CLEC16A: variants seen among roughly 807,000 people sequenced by gnomAD.
The protein encoded by CLEC16A is C-type lectin domain containing 16A.
In CLEC16A, 51 loss-of-function variants were observed where a neutral mutation model predicts 109.5. That is an observed-to-expected ratio of 0.47 (90% CI 0.37 to 0.59). The LOEUF (loss-of-function observed/expected upper bound fraction) is 0.59. CLEC16A is among the 20% of genes least tolerant of loss of function. CLEC16A has a pLI of 0.00. For synonymous variants in CLEC16A, 673 were observed against 564.2 expected (o/e 1.19, Z -2.73); for missense variants, 1,339 against 1,394.0 (o/e 0.96, Z 0.63).
intron 23 of CLEC16A, among the ~76,000 whole-genome samples, chr16:11,176,361 G>A (rs1289523407): frequency 6.6e-6 from 1 of 152,174 alleles, no homozygotes; most frequent in Non-Finnish European, 1.5e-5. Context: ...CACCCTCCCA[G>A]AGCGAGGACC....
At chr16:11,116,358 G>T (rs1486619240) in intron 19 of CLEC16A, among the ~76,000 whole-genome samples, 2 of 151,942 alleles carry the variant, frequency 1.3e-5, no homozygotes, top group Non-Finnish European at 2.9e-5. Flanking sequence ...TTGTGCCACT[G>T]TACTCCAGCC....
rs190592270 is a variant in CLEC16A at position 11,169,818 on chromosome 16, G to T, written c.2806+3266G>T. On this transcript the variant is annotated intron_variant, in intron 23 of 23. Coordinates refer to ENST00000409790, the MANE Select transcript of CLEC16A (RefSeq NM_015226.3). Reference sequence around the variant, plus strand: ...CTAGGCTCCTGCTGTAGCCACGGCAGGGCCTTCTCAGTGTGCACCTGCTGT... The same window carrying T: ...CTAGGCTCCTGCTGTAGCCACGGCATGGCCTTCTCAGTGTGCACCTGCTGT... 3.3e-5 allele frequency among the ~76,000 whole-genome samples: 5 copies of T among 152,360 alleles called. No individual in the cohort carries two copies. In the East Asian group the frequency reaches 9.6e-4, roughly 29 times the overall value.
At position 11,153,856 on chromosome 16, in the gene CLEC16A, C is replaced by G. The variant is rs7204935; in HGVS notation, c.2642-12532C>G. ...TGATTTTTAATGTTGGACACATTAG[C>G]TCAGCATTTGTGAGGAGGAACAAAG... On this transcript the variant is annotated intron_variant, in intron 22 of 23. Transcript: ENST00000409790. 1.2e-3 allele frequency among the ~76,000 whole-genome samples: 180 copies of G among 151,968 alleles called. 2 individuals carry two copies. Among genetic ancestry groups the G allele is most frequent in the South Asian group, 7.9e-3 (38 of 4,816 alleles).
At chr16:10,958,846 A>G (rs1384669574) in intron 2 of CLEC16A, among the ~76,000 whole-genome samples, 5 of 152,032 alleles carry the variant, frequency 3.3e-5, no homozygotes, top group African/African-American at 7.2e-5. Context: ...CCAGGCTGCA[A>G]TGAGCCATGA....
At position 10,982,878 on chromosome 16, in the gene CLEC16A, G is replaced by A. The variant is rs1340777354; in HGVS notation, c.958G>A (p.Val320Ile). ...LPVSLYLLSQ[V>I]FLIIHHAPLV... ...ATCCCGTTTCTTTTTTTTCCGCCAG[G>A]TCTTCTTAATTATACATCATGCACC... The change falls in exon 10 of 24, where the codon GTC becomes ATC. Residue 320 changes from valine to isoleucine, a missense_variant and splice_region_variant. Around this residue, in one of 3 missense-constraint regions of CLEC16A, gnomAD observed 1,061 missense variants for 1,006.8 expected, o/e 1.05. Coordinates refer to ENST00000409790, the MANE Select transcript of CLEC16A (RefSeq NM_015226.3). 6.4e-7 allele frequency: 1 copy of A among 1,565,794 alleles called. No homozygotes were observed. Among genetic ancestry groups the A allele is most frequent in the East Asian group, 2.2e-5 (1 of 44,636 alleles).
intron 10 of CLEC16A, among the ~76,000 whole-genome samples, chr16:10,991,385 C>G (rs915212392): frequency 7.1e-5 from 10 of 140,220 alleles, no homozygotes; most frequent in African/African-American, 1.9e-4. Context: ...GATCATGCCA[C>G]TACACTCCAG....
chr16:11,008,246 CT>C (rs2152765756), intron 11 of CLEC16A, among the ~76,000 whole-genome samples: 1 of 152,234 alleles, frequency 6.6e-6, no homozygotes, highest in East Asian at 1.9e-4. Context: ...TCTGTCCTTG[CT>C]GTGATCGCTG....
chr16:11,130,052 G>A (rs1409696427), intron 22 of CLEC16A, among the ~76,000 whole-genome samples: 4 of 152,146 alleles, frequency 2.6e-5, no homozygotes, highest in Non-Finnish European at 5.9e-5. Flanking sequence ...GTGAGCCACC[G>A]CACCCAGCCT....
intron 19 of CLEC16A, among the ~76,000 whole-genome samples, chr16:11,114,645 A>G (rs1343711272): frequency 6.6e-6 from 1 of 152,092 alleles, no homozygotes; most frequent in East Asian, 1.9e-4. Flanking sequence ...ATTTCTCCTC[A>G]ACCCAAGACC....
intron 2 of CLEC16A, among the ~76,000 whole-genome samples, chr16:10,959,665 T>C (rs751261340): frequency 6.6e-6 from 1 of 152,184 alleles, no homozygotes; most frequent in Non-Finnish European, 1.5e-5. Context: ...GTGCTGGGAT[T>C]ACAGGCATGA....
At chr16:11,147,094 A>G (rs957956291) in intron 22 of CLEC16A, among the ~76,000 whole-genome samples, 7 of 151,898 alleles carry the variant, frequency 4.6e-5, no homozygotes, top group South Asian at 2.1e-4. Flanking sequence ...TGTCCCAGAC[A>G]GGGGCTGCCA....
intron 9 of CLEC16A, among the ~76,000 whole-genome samples, chr16:10,980,874 A>G (rs889710259): frequency 6.6e-6 from 1 of 152,194 alleles, no homozygotes; most frequent in African/African-American, 2.4e-5. Flanking sequence ...TTCAATATAA[A>G]ATCATTGCAT....
chr16:11,164,475 A>C (rs1490160460), intron 22 of CLEC16A, among the ~76,000 whole-genome samples: 1 of 152,190 alleles, frequency 6.6e-6, no homozygotes, highest in Non-Finnish European at 1.5e-5. Context: ...TGTAGGTGAA[A>C]GGAAGGAGGC....
intron 22 of CLEC16A, among the ~76,000 whole-genome samples, chr16:11,132,810 T>C (rs2053307657): frequency 6.6e-6 from 1 of 152,180 alleles, no homozygotes; most frequent in African/African-American, 2.4e-5. Context: ...TATGAAGTAG[T>C]TGCTCAGTGA....
At position 10,974,287 on chromosome 16, in the gene CLEC16A, A is replaced by G. The variant is rs113645109; in HGVS notation, c.728+1226A>G. Among the ~76,000 whole-genome samples, 248 of 152,254 alleles carry G rather than the reference A, an allele frequency of 1.6e-3. 3 individuals carry two copies. The highest frequency in any genetic ancestry group is 5.6e-3 in the African/African-American group (234 of 41,550). On this transcript the variant is annotated intron_variant, in intron 7 of 23. Transcript: ENST00000409790. ...CAACTATGTGACTCTACCAAAAACC[A>G]TTACATTGTGTACTTTAAATAATTG...
chr16:11,166,667 G>C (rs748012715), intron 23 of CLEC16A, 115 bp downstream of exon 23: 13 of 1,037,886 alleles, frequency 1.3e-5, no homozygotes, highest in Non-Finnish European at 1.7e-5. Flanking sequence ...GAAGGATGAT[G>C]CCGCTCAGGT....
At chr16:11,000,932 T>C (rs940518831) in intron 10 of CLEC16A, among the ~76,000 whole-genome samples, 3 of 152,184 alleles carry the variant, frequency 2.0e-5, no homozygotes, top group African/African-American at 7.2e-5. Context: ...ATCAAGATAA[T>C]GGAAAAGTTT....
intron 13 of CLEC16A, chr16:11,027,375 G>T (rs975985638): frequency 3.7e-5 from 52 of 1,392,888 alleles, no homozygotes; most frequent in Middle Eastern, 4.1e-4. Flanking sequence ...AATTTTTAGT[G>T]GTGTCTTTGT....
At chr16:10,995,829 G>C (rs1240171548) in intron 10 of CLEC16A, among the ~76,000 whole-genome samples, 1 of 152,120 alleles carries the variant, frequency 6.6e-6, no homozygotes, top group Admixed American at 6.5e-5. Context: ...CTTTCTTAAG[G>C]GGAAAACCTT....
Sources: allele counts gnomAD v4.1 joint callset (sites outside exome capture counted in the v4.1 genomes callset), GRCh38; gene constraint gnomAD v4.1.1; regional missense constraint gnomAD v4.1.1; transcripts MANE v1.5; gene names NCBI Gene and HGNC (gene_info 2026-07-23, HGNC 2026-07-21).